The following SLC6A14 variants were observed in gnomAD, a reference collection of about 807,000 sequenced individuals.
The protein encoded by SLC6A14 is sodium- and chloride-dependent neutral and basic amino acid transporter B(0+).
In SLC6A14, 21 loss-of-function variants were observed where a neutral mutation model predicts 51.4. That is an observed-to-expected ratio of 0.41 (90% CI 0.29 to 0.59). SLC6A14 has a LOEUF of 0.59. SLC6A14 is among the 20% of genes least tolerant of loss of function. The pLI is 0.31. For synonymous variants in SLC6A14, 177 were observed against 160.7 expected, an observed-to-expected ratio of 1.10 and a Z score of -0.77; for missense variants, 371 against 472.8, an observed-to-expected ratio of 0.78 and a Z score of 2.00.
chrX:116,455,342 CTT>C lies in SLC6A14; in HGVS notation c.1505-13_1505-12del. 8.7e-7 allele frequency: 1 copy of C among 1,154,123 alleles called. No homozygotes were observed. The highest frequency in any genetic ancestry group is 1.2e-6 in the Non-Finnish European group (1 of 846,104). ...AATATTAGCAAGCACTCAATGTACT[CTT>C]TGTTTTCTTTAGGAGGGAACAGATT... On this transcript the variant is annotated splice_polypyrimidine_tract_variant and intron_variant, in intron 11 of 13. Coordinates refer to ENST00000598581, the MANE Select transcript of SLC6A14 (RefSeq NM_007231.5).
At chrX:116,450,829 C>T (rs1429074114) in intron 7 of SLC6A14, among the ~76,000 whole-genome samples, 1 of 111,519 alleles carries the variant, frequency 9.0e-6, no homozygotes, top group East Asian at 2.8e-4. Flanking sequence ...ATCCCAGCTA[C>T]TTGGGAGGCT....
chrX:116,446,490 A>C (rs782689377), intron 6 of SLC6A14, among the ~76,000 whole-genome samples: 1 of 111,513 alleles, frequency 9.0e-6, no homozygotes, highest in Non-Finnish European at 1.9e-5. Context: ...ATCACTGCTG[A>C]TGTATTATTT....
Position 116,444,954 on chromosome X carries a change from G to A in SLC6A14, c.693G>A (p.Glu231=). Residue 231 remains glutamate, a synonymous_variant, in exon 6 of 14, where the codon GAG becomes GAA. Coordinates refer to ENST00000598581, the MANE Select transcript of SLC6A14 (RefSeq NM_007231.5). Reference sequence around the variant, plus strand: ...TCCAACGGTCAAGTGGAATGAATGAGACTGGAGTAATTGTTTGGTATTTAG... The same window carrying A: ...TCCAACGGTCAAGTGGAATGAATGAAACTGGAGTAATTGTTTGGTATTTAG... ...VALQRSSGMN[E]TGVIVWYLAL... The A allele has an allele frequency of 8.3e-7, 1 of 1,209,562 alleles. No individual in the cohort carries two copies. Among genetic ancestry groups the A allele is most frequent in the East Asian group, 3.0e-5 (1 of 33,772 alleles).
chrX:116,438,584 C>T (rs1271550927), intron 2 of SLC6A14, among the ~76,000 whole-genome samples: 1 of 111,464 alleles, frequency 9.0e-6, no homozygotes, highest in African/African-American at 3.3e-5. Flanking sequence ...CTGTTTATAC[C>T]TTGTAGATCA....
chrX:116,436,807 C>G (rs1556693319), intron 1 of SLC6A14, 50 bp downstream of exon 1: 3 of 1,079,475 alleles, frequency 2.8e-6, no homozygotes, highest in Non-Finnish European at 3.7e-6. Context: ...GAGTGGAAAA[C>G]TTAAGGGGGG....
chrX:116,445,071 G>C (rs782494944), intron 6 of SLC6A14, 21 bp downstream of exon 6: 17 of 1,160,096 alleles, frequency 1.5e-5, no homozygotes, highest in Non-Finnish European at 1.8e-5. Context: ...AAACACATTA[G>C]ATAGCGATAT....
At chrX:116,456,434 A>G (rs782019647) in intron 12 of SLC6A14, among the ~76,000 whole-genome samples, 1 of 110,834 alleles carries the variant, frequency 9.0e-6, no homozygotes, top group South Asian at 3.8e-4. Context: ...TATTTTTGCT[A>G]AATGATTTTG....
intron 4 of SLC6A14, among the ~76,000 whole-genome samples, 181 bp from the exon 5 acceptor site, chrX:116,443,462 T>G (rs782122446): frequency 9.0e-6 from 1 of 111,710 alleles, no homozygotes; most frequent in South Asian, 3.7e-4. Flanking sequence ...CCTAGTTTAG[T>G]AGAAAAGATT....
chrX:116,441,438 T>G (rs1927596455), intron 3 of SLC6A14, among the ~76,000 whole-genome samples: 1 of 112,263 alleles, frequency 8.9e-6, no homozygotes, highest in Non-Finnish European at 1.9e-5. Flanking sequence ...AGGCCCTAAC[T>G]TTTTTCTACT....
chrX:116,456,991 T>C (rs1157249740), intron 12 of SLC6A14, among the ~76,000 whole-genome samples: 3 of 111,871 alleles, frequency 2.7e-5, no homozygotes, highest in Non-Finnish European at 5.7e-5. Flanking sequence ...ATATTGAGGG[T>C]TTTTTTGTTT....
At chrX:116,455,743 A>G (rs1206821923) in intron 12 of SLC6A14, among the ~76,000 whole-genome samples, 2 of 111,520 alleles carry the variant, frequency 1.8e-5, no homozygotes, top group Non-Finnish European at 3.8e-5. Flanking sequence ...CAATACAAAA[A>G]ATGAAAATAA....
At position 116,461,208 on chromosome X, in the gene SLC6A14, T is replaced by C. The variant is rs1219800313; in HGVS notation, c.*2253T>C. On this transcript the variant is annotated 3_prime_UTR_variant, in exon 14 of 14. Coordinates refer to ENST00000598581, the MANE Select transcript of SLC6A14 (RefSeq NM_007231.5). ...AAGAGTAGTTAAAAGTTTTTGTCACTATCTTCACAAGTGTGTAAAGCACAG... is the reference window on the plus strand; with the variant it reads ...AAGAGTAGTTAAAAGTTTTTGTCACCATCTTCACAAGTGTGTAAAGCACAG... 8.9e-6 allele frequency: 1 copy of C among 112,120 alleles called. No individual in the cohort carries two copies. Among genetic ancestry groups the C allele is most frequent in the Non-Finnish European group, 1.9e-5 (1 of 53,269 alleles). 9.2% of individuals were successfully genotyped at this position (112,120 alleles called of 1,213,427 possible).
chrX:116,437,756 G>GA, intron 1 of SLC6A14, 34 bp from the exon 2 acceptor site: 1 of 1,175,064 alleles, frequency 8.5e-7, no homozygotes, highest in Non-Finnish European at 1.1e-6. Flanking sequence ...TGTAATGGTA[G>GA]AAAGGCAAGC....
intron 7 of SLC6A14, among the ~76,000 whole-genome samples, chrX:116,450,542 A>G (rs1371937426): frequency 1.8e-5 from 2 of 111,962 alleles, no homozygotes; most frequent in African/African-American, 3.3e-5. Flanking sequence ...TGGGGAATGT[A>G]CAAGAATGTT....
intron 12 of SLC6A14, among the ~76,000 whole-genome samples, chrX:116,456,939 G>A (rs1438027881): frequency 8.9e-6 from 1 of 111,800 alleles, no homozygotes; most frequent in Non-Finnish European, 1.9e-5. Context: ...CTTATAATGT[G>A]TTCATCTTTA....
rs1305999036 is a variant in SLC6A14 at position 116,454,964 on chromosome X, AT to A, written c.1405-6del. The A allele has an allele frequency of 3.5e-6, 4 of 1,151,254 alleles. No homozygotes were observed. Among genetic ancestry groups the A allele is most frequent in the Non-Finnish European group, 4.7e-6 (4 of 851,021 alleles). 94.9% of individuals were successfully genotyped at this position (1,151,254 alleles called of 1,213,427 possible). ...TAAAATATACTTAGAAGTAATTAAC[AT>A]TTTTTTGGTAGGCTGGAATTTACTG... On this transcript the variant is annotated splice_polypyrimidine_tract_variant and intron_variant, in intron 10 of 13. Coordinates refer to ENST00000598581, the MANE Select transcript of SLC6A14 (RefSeq NM_007231.5).
At chrX:116,452,300 T>C (rs1373366800) in intron 8 of SLC6A14, among the ~76,000 whole-genome samples, 2 of 111,540 alleles carry the variant, frequency 1.8e-5, no homozygotes, top group Admixed American at 1.9e-4. Flanking sequence ...GAGAAGTGGA[T>C]TGATACACAG....
Position 116,460,345 on chromosome X carries a change from C to T in SLC6A14, c.*1390C>T, listed in dbSNP as rs782037710. The T allele has an allele frequency of 9.0e-6, 1 of 110,704 alleles. No individual in the cohort carries two copies. Among genetic ancestry groups the T allele is most frequent in the East Asian group, 2.9e-4 (1 of 3,503 alleles). The allele number at this position is 110,704 out of a possible 1,213,427, so 9.1% of individuals were successfully genotyped here. On this transcript the variant is annotated 3_prime_UTR_variant, in exon 14 of 14. Coordinates refer to ENST00000598581, the MANE Select transcript of SLC6A14 (RefSeq NM_007231.5). ...AATAGAAGAAATAATTTTTCTTACACATTTTAAAACGTTTTCTCTTCCTTG... is the reference window on the plus strand; with the variant it reads ...AATAGAAGAAATAATTTTTCTTACATATTTTAAAACGTTTTCTCTTCCTTG...
chrX:116,448,861 C>T (rs1172191142), intron 7 of SLC6A14, among the ~76,000 whole-genome samples: 1 of 111,784 alleles, frequency 8.9e-6, no homozygotes, highest in African/African-American at 3.2e-5. Flanking sequence ...ACCTAAAGCT[C>T]CTTGTGAGAC....
Sources: allele counts gnomAD v4.1 joint callset (sites outside exome capture counted in the v4.1 genomes callset), GRCh38; gene constraint gnomAD v4.1.1; transcripts MANE v1.5; gene names NCBI Gene and HGNC (gene_info 2026-07-23, HGNC 2026-07-21).